CAB39L: variants seen among roughly 807,000 people sequenced by gnomAD.
CAB39L encodes the protein calcium binding protein 39 like, also known as calcium-binding protein 39-like.
Under a neutral mutation model 39.1 loss-of-function variants are expected in CAB39L, and 23 were observed. The ratio of observed to expected loss-of-function variants is 0.59; its 90% CI spans 0.42 to 0.83. The LOEUF (loss-of-function observed/expected upper bound fraction) is 0.83. Ranked by LOEUF, CAB39L falls within the 40% of genes least tolerant of loss-of-function variation. The probability of loss-of-function intolerance (pLI) is 0.00; values close to 1 mark genes in which losing one functional copy is unlikely to be tolerated. For synonymous variants in CAB39L, 126 were observed against 137.2 expected, an observed-to-expected ratio of 0.92 and a Z score of 0.57; for missense variants, 366 against 391.9, an observed-to-expected ratio of 0.93 and a Z score of 0.56.
At chr13:49,413,189 A>G (rs1356404510) in intron 3 of CAB39L, 1 of 152,252 alleles carries the variant, frequency 6.6e-6, no homozygotes, top group African/African-American at 2.4e-5. Flanking sequence ...TTTGAAGAAA[A>G]TACAAAAGGA....
intron 7 of CAB39L, among the ~76,000 whole-genome samples, chr13:49,346,802 C>T (rs1955190495): frequency 6.6e-6 from 1 of 152,102 alleles, no homozygotes; most frequent in South Asian, 2.1e-4. Context: ...GGACATCCAG[C>T]TTATCAGGTG....
intron 5 of CAB39L, among the ~76,000 whole-genome samples, chr13:49,376,496 T>A (rs1419582267): frequency 6.6e-6 from 1 of 152,230 alleles, no homozygotes; most frequent in African/African-American, 2.4e-5. Flanking sequence ...TTAACACATT[T>A]CTTAAATCAT....
At chr13:49,415,271 C>T (rs1045576543) in intron 3 of CAB39L, among the ~76,000 whole-genome samples, 1 of 151,340 alleles carries the variant, frequency 6.6e-6, no homozygotes, top group Non-Finnish European at 1.5e-5. Context: ...AATCCCAGCA[C>T]TTTGGGAAGC....
intron 10 of CAB39L, among the ~76,000 whole-genome samples, chr13:49,320,713 A>G (rs1954314498): frequency 6.6e-6 from 1 of 152,200 alleles, no homozygotes; most frequent in African/African-American, 2.4e-5. Flanking sequence ...ACTCCAAGCA[A>G]AATCCCACCC....
Position 49,382,784 on chromosome 13 carries a change from C to G in CAB39L, c.111+16G>C. On this transcript the variant is annotated intron_variant, in intron 4 of 10. Transcript: ENST00000409308. ...TGCATGTACTTTAATCATAATGTTA[C>G]TGTTTTAGCTCTTACCTTGTCTGTC... 6.8e-7 allele frequency: 1 copy of G among 1,473,176 alleles called. No homozygotes were observed. Among genetic ancestry groups the G allele is most frequent in the Non-Finnish European group, 9.5e-7 (1 of 1,056,566 alleles). 91.3% of individuals were successfully genotyped at this position (1,473,176 alleles called of 1,614,324 possible). A position where few individuals can be genotyped will look rare whatever the true frequency, so the allele number is the denominator to read the frequency against.
intron 3 of CAB39L, chr13:49,401,543 A>ACGT (rs1168533985): frequency 8.2e-6 from 1 of 121,340 alleles, no homozygotes; most frequent in Non-Finnish European, 1.8e-5. Flanking sequence ...GCTTTCAGAT[A>ACGT]CGTACCACAG....
intron 3 of CAB39L, among the ~76,000 whole-genome samples, chr13:49,386,178 T>C (rs1956354720): frequency 6.6e-6 from 1 of 152,226 alleles, no homozygotes; most frequent in African/African-American, 2.4e-5. Context: ...CATGGTATCA[T>C]AGATATGATA....
At chr13:49,414,203 A>C (rs919890998) in intron 3 of CAB39L, 4 of 152,242 alleles carry the variant, frequency 2.6e-5, no homozygotes, top group African/African-American at 9.6e-5. Flanking sequence ...GATTTGCCTT[A>C]GTAAAAAGAA....
chr13:49,390,737 G>A (rs1282921899), intron 3 of CAB39L, among the ~76,000 whole-genome samples: 1 of 152,120 alleles, frequency 6.6e-6, no homozygotes, highest in Admixed American at 6.6e-5. Flanking sequence ...ATAGCTGATT[G>A]GTAGAAGGGT....
intron 5 of CAB39L, among the ~76,000 whole-genome samples, chr13:49,363,600 A>G (rs1222386206): frequency 6.6e-6 from 1 of 152,138 alleles, no homozygotes; most frequent in Non-Finnish European, 1.5e-5. Context: ...AGAGATGACT[A>G]AAAAACAACC....
chr13:49,375,498 G>A (rs1458854967), intron 5 of CAB39L, among the ~76,000 whole-genome samples: 3 of 152,080 alleles, frequency 2.0e-5, no homozygotes, highest in Admixed American at 6.6e-5. Flanking sequence ...GAGTAAGCAA[G>A]CCAAGCAAGA....
intron 10 of CAB39L, among the ~76,000 whole-genome samples, chr13:49,320,648 G>T (rs555748513): frequency 1.3e-4 from 20 of 152,128 alleles, no homozygotes; most frequent in African/African-American, 4.6e-4. Context: ...CCTTTGATGC[G>T]TGCTGCAAGC....
At chr13:49,381,551 G>A (rs2138587782) in intron 4 of CAB39L, among the ~76,000 whole-genome samples, 1 of 152,192 alleles carries the variant, frequency 6.6e-6, no homozygotes, top group East Asian at 1.9e-4. Context: ...TTATAGATGA[G>A]AAAACTTAGG....
intron 3 of CAB39L, among the ~76,000 whole-genome samples, chr13:49,423,533 C>T (rs1957202713): frequency 6.6e-6 from 1 of 151,934 alleles, no homozygotes; most frequent in Non-Finnish European, 1.5e-5. Context: ...GCCTGGGCAA[C>T]AGAGAAACAC....
chr13:49,419,841 T>C (rs1406021204), intron 3 of CAB39L, among the ~76,000 whole-genome samples: 1 of 152,172 alleles, frequency 6.6e-6, no homozygotes, highest in Non-Finnish European at 1.5e-5. Context: ...TTTTCCTTCT[T>C]TTATTCCATA....
chr13:49,424,838 G>A (rs1167720218), intron 3 of CAB39L, among the ~76,000 whole-genome samples: 1 of 152,078 alleles, frequency 6.6e-6, no homozygotes, highest in Non-Finnish European at 1.5e-5. Flanking sequence ...ATGGAGATTT[G>A]CTCCTGACAG....
chr13:49,369,434 G>A (rs1489955038), intron 5 of CAB39L, among the ~76,000 whole-genome samples: 2 of 152,216 alleles, frequency 1.3e-5, no homozygotes, highest in Non-Finnish European at 2.9e-5. Context: ...TCTCAAATGC[G>A]TTATGCTGAC....
chr13:49,331,444 C>T (rs1005148305), intron 10 of CAB39L, among the ~76,000 whole-genome samples: 39 of 151,952 alleles, frequency 2.6e-4, no homozygotes, highest in African/African-American at 9.2e-4. Flanking sequence ...CCAGCCTGGG[C>T]AACAGAGTGA....
intron 3 of CAB39L, among the ~76,000 whole-genome samples, chr13:49,406,407 C>T (rs903749499): frequency 2.7e-5 from 4 of 146,890 alleles, no homozygotes; most frequent in Admixed American, 1.4e-4. Context: ...GTCTCGATCT[C>T]CTGACCTCTT....
Sources: gnomAD v4.1 joint callset for allele counts (sites outside exome capture counted in the v4.1 genomes callset) on GRCh38, gnomAD v4.1.1 for gene constraint, MANE v1.5 for transcripts, NCBI Gene and HGNC (gene_info 2026-07-23, HGNC 2026-07-21) for gene names.